PLEC: variants seen among roughly 807,000 people sequenced by gnomAD.
The protein encoded by PLEC is plectin, also known as hemidesmosomal protein 1.
Under a neutral mutation model 392.8 loss-of-function variants are expected in PLEC, and 216 were observed. The observed-to-expected ratio is 0.55, with a 90% CI of 0.49 to 0.62. The LOEUF is 0.62. Ranked by LOEUF, PLEC falls within the 20% of genes least tolerant of loss-of-function variation. The pLI, the probability that PLEC is intolerant of heterozygous loss-of-function variation, is 0.00. For missense variants in PLEC, 6,863 were observed against 6,563.4 expected, an observed-to-expected ratio of 1.05 and a Z score of -1.58; for synonymous variants, 3,621 against 2,980.6, an observed-to-expected ratio of 1.21 and a Z score of -7.00.
At position 143,918,542 on chromosome 8, in the gene PLEC, C is replaced by T. The variant is rs1554675610; in HGVS notation, c.11279G>A (p.Arg3760His). The change falls in exon 32 of 32, where the codon CGC becomes CAC. Residue 3760 changes from arginine to histidine, a missense_variant. Arg to His is a conservative substitution (Grantham distance 29, BLOSUM62 0). Transcript: ENST00000345136. The part of the protein sequence containing the change: ...KGLVGPELHD[R>H]LLSAERAVTG... ...GACCGCCCGCTCAGCCGAGAGCAGG[C>T]GGTCGTGCAGCTCGGGCCCCACGAG... 3 of 1,609,928 alleles carry T rather than the reference C, an allele frequency of 1.9e-6. No homozygotes were observed. The highest frequency in any genetic ancestry group is 2.2e-5 in the East Asian group (1 of 44,824).
rs781802003 is a variant in PLEC at position 143,935,239 on chromosome 8, G to A, written c.677C>T (p.Ala226Val). 33 of 1,612,390 alleles carry A rather than the reference G, an allele frequency of 2.0e-5. No individual in the cohort carries two copies. The highest frequency in any genetic ancestry group is 2.7e-5 in the Non-Finnish European group (32 of 1,179,946). ...LENLDQAFSVAERDLGVTRLL... is the reference protein window; with the variant it reads ...LENLDQAFSVVERDLGVTRLL... ...CCGCGTCACTCCCAGGTCCCGCTCC[G>A]CCACAGAGAAGGCCTGGTCCAGGTT... Residue 226 changes from alanine (A) to valine (V), a missense_variant, in exon 7 of 32, where the codon GCG (alanine) becomes GTG (valine). Coordinates refer to ENST00000345136, the MANE Select transcript of PLEC (RefSeq NM_201384.3).
upstream of PLEC, among the ~76,000 whole-genome samples, chr8:143,956,428 C>CA (rs1230965968): frequency 1.3e-5 from 2 of 152,204 alleles, no homozygotes; most frequent in Non-Finnish European, 2.9e-5. Flanking sequence ...ACTATCCTGA[C>CA]ACGGTGGCCT....
upstream of PLEC, among the ~76,000 whole-genome samples, chr8:143,941,433 G>C (rs1356901602): frequency 4.6e-5 from 7 of 152,042 alleles, no homozygotes. Context: ...GTCAGGAATG[G>C]GGCAGGGGCT....
At chr8:143,950,489 T>G (rs1330816988) in exon 1 of PLEC, 3 of 1,607,838 alleles carry the variant, frequency 1.9e-6, no homozygotes, top group Non-Finnish European at 2.5e-6. Context: ...ATTGGTGAGG[T>G]ACCAGTAAAA....
upstream of PLEC, chr8:143,944,516 G>A: frequency 4.0e-6 from 2 of 500,692 alleles, no homozygotes; most frequent in Non-Finnish European, 6.9e-6. Context: ...GTCTGGGTGA[G>A]GGCACATGAG....
upstream of PLEC, among the ~76,000 whole-genome samples, chr8:143,956,344 G>A (rs1832594870): frequency 6.6e-6 from 1 of 152,182 alleles, no homozygotes. Flanking sequence ...GAGACAGGAG[G>A]ATCACTTGAT....
upstream of PLEC, among the ~76,000 whole-genome samples, chr8:143,940,485 G>A (rs782646100): frequency 1.2e-4 from 19 of 152,330 alleles, no homozygotes; most frequent in South Asian, 2.1e-4. Context: ...GGGGCTCAAG[G>A]GAAGCAGTCT....
Position 143,938,247 on chromosome 8 carries a change from G to A in PLEC, c.175-7C>T. ...CACTGATGTGCCTCTGGGCCTGTGG[G>A]GACAGCAGCGGCTGAGGTGGCCAGT... is the stretch of plus-strand genomic sequence containing the variant. On this transcript the variant is annotated splice_region_variant and splice_polypyrimidine_tract_variant and intron_variant, in intron 2 of 31. Coordinates refer to ENST00000345136, the MANE Select transcript of PLEC (RefSeq NM_201384.3). The A allele has an allele frequency of 1.9e-6, 3 of 1,588,690 alleles. No homozygotes were observed. The highest frequency in any genetic ancestry group is 2.6e-6 in the Non-Finnish European group (3 of 1,169,530).
At chr8:143,961,514 G>A (rs1351569988) in intron 1 of PLEC, among the ~76,000 whole-genome samples, 2 of 151,986 alleles carry the variant, frequency 1.3e-5, no homozygotes, top group African/African-American at 2.4e-5. Context: ...GTGAGCCACC[G>A]CACCTGGCCA....
chr8:143,924,263 G>T lies in PLEC; in HGVS notation c.5666C>A (p.Ala1889Asp). 1.3e-6 allele frequency: 2 copies of T among 1,597,466 alleles called. No individual in the cohort carries two copies. Among genetic ancestry groups the T allele is most frequent in the Non-Finnish European group, 1.7e-6 (2 of 1,179,060 alleles). The change falls in exon 31 of 32, where the codon GCT (alanine) becomes GAT (aspartate). Residue 1889 changes from alanine to aspartate, a missense_variant. Physicochemically the swap from Ala to Asp is moderately radical, Grantham distance 126. Coordinates refer to ENST00000345136, the MANE Select transcript of PLEC (RefSeq NM_201384.3). ...CTGGGCCAGGCGCTCCTCGATGTCA[G>T]CCTTGTGTTGCGCGGCCTGCTCCTC... ...RLEEQAAQHK[A>D]DIEERLAQLR...
chr8:143,942,524 C>T (rs781912704), upstream of PLEC: 31 of 1,560,974 alleles, frequency 2.0e-5, no homozygotes, highest in East Asian at 5.6e-4. Context: ...ATGCCGGCCA[C>T]GGCCGGAGCC....
rs782198755 is a variant in PLEC at position 143,916,186 on chromosome 8, G to A, written c.13635C>T (p.Ala4545=). 36 of 1,540,276 alleles carry A rather than the reference G, an allele frequency of 2.3e-5. No individual in the cohort carries two copies. Among genetic ancestry groups the A allele is most frequent in the Admixed American group, 5.9e-5 (3 of 50,582 alleles). The change falls in exon 32 of 32, where the codon GCC becomes GCT. Residue 4545 remains alanine, a synonymous_variant. Transcript: ENST00000345136. Reference sequence around the variant, plus strand: ...GTGGGCGCAGGCAGCCTCAGGCCACGGCAGACTCAGGGCCCCCCAGGGAGG... The same window carrying A: ...GTGGGCGCAGGCAGCCTCAGGCCACAGCAGACTCAGGGCCCCCCAGGGAGG... ...SSASLGGPES[A]VA
At chr8:143,946,453 AG>A in intron 1 of PLEC, 1 of 1,245,974 alleles carries the variant, frequency 8.0e-7, no homozygotes, top group Non-Finnish European at 1.1e-6. Context: ...GGCAGGAAGG[AG>A]GGAAGGGGTG....
In PLEC at chr8:143,923,862, G is replaced by A. The variant is rs782091586; in HGVS notation, c.6067C>T (p.Arg2023Cys). ...RLKAKVEEARRLRERAEQESA... is the reference protein window; with the variant it reads ...RLKAKVEEARCLRERAEQESA... ...TCCTGCTCCGCTCGCTCCCGCAGGC[G>A]CCGCGCCTCCTCCACCTTGGCTTTC... Residue 2023 changes from arginine (R) to cysteine (C), a missense_variant, in exon 31 of 32, where the codon CGC (arginine) becomes TGC (cysteine). Coordinates refer to ENST00000345136, the MANE Select transcript of PLEC (RefSeq NM_201384.3). 49 of 1,591,722 alleles carry A rather than the reference G, an allele frequency of 3.1e-5. No homozygotes were observed. Among genetic ancestry groups the A allele is most frequent in the African/African-American group, 9.4e-5 (7 of 74,710 alleles).
rs782733657 is a variant in PLEC at position 143,919,998 on chromosome 8, G to A, written c.9823C>T (p.Arg3275Cys). The change falls in exon 32 of 32, where the codon CGC (arginine) becomes TGC (cysteine). Residue 3275 changes from arginine (R) to cysteine (C), a missense_variant. Physicochemically the swap from Arg to Cys is radical, Grantham distance 180 (BLOSUM62 -3). Transcript: ENST00000345136. The part of the protein sequence containing the change: ...EQRQELLRQF[R>C]TGKVTVEKVI... ...TTCTCCACGGTGACCTTGCCCGTGC[G>A]GAACTGACGCAACAGCTCCTGCCGC... The A allele has an allele frequency of 2.1e-5, 34 of 1,613,162 alleles. No homozygotes were observed. Among genetic ancestry groups the A allele is most frequent in the Admixed American group, 8.3e-5 (5 of 60,016 alleles).
rs369665294 is a variant in PLEC at position 143,932,503 on chromosome 8, G to A, written c.1874C>T (p.Ala625Val). The change falls in exon 16 of 32, where the codon GCC (alanine) becomes GTC (valine). Residue 625 changes from alanine (A) to valine (V), a missense_variant. Physicochemically the swap from Ala to Val is moderately conservative, Grantham distance 64. Transcript: ENST00000345136. Reference sequence around the variant, plus strand: ...ATTCAGCCACATTAGCTCCTTAGTGGCGGCTGCCACAAAGCTGTGCAAGCT... The same window carrying A: ...ATTCAGCCACATTAGCTCCTTAGTGACGGCTGCCACAAAGCTGTGCAAGCT... ...LESLHSFVAA[A>V]TKELMWLNEK... 2 of 1,611,440 alleles carry A rather than the reference G, an allele frequency of 1.2e-6. No homozygotes were observed. Among genetic ancestry groups the A allele is most frequent in the Non-Finnish European group, 8.5e-7 (1 of 1,179,738 alleles).
rs1586913359 is a variant in PLEC, at chr8:143,924,588, T to C, written c.5341A>G (p.Thr1781Ala). ...AGCCTCTGCTTGGACTTCTCGCTGG[T>C]GGAGCGCGACTCCTCCTCAGCCCTC... Reference protein sequence around the residue: ...KARAEEESRSTSEKSKQRLEA... With the variant: ...KARAEEESRSASEKSKQRLEA... The change falls in exon 31 of 32, where the codon ACC becomes GCC. Residue 1781 changes from threonine to alanine, a missense_variant. Transcript: ENST00000345136. 1 of 1,550,218 alleles carries C rather than the reference T, an allele frequency of 6.5e-7. No homozygotes were observed. Among genetic ancestry groups the C allele is most frequent in the Non-Finnish European group, 8.7e-7 (1 of 1,155,068 alleles).
In PLEC at chr8:143,933,325, T is replaced by G; in HGVS notation, c.1290A>C (p.Lys430Asn). ...CCACCTCCCCCGCCCGCTGTGGCAC[T>G]TTGCCTGCAGCCAGCAGCCGGACAT... ...QSDVRLLAAG[K>N]VPQRAGEVER... is the part of the protein sequence containing the mutation. Residue 430 changes from lysine (K) to asparagine (N), a missense_variant, in exon 13 of 32, where the codon AAA becomes AAC. Transcript: ENST00000345136. 1.9e-6 allele frequency: 3 copies of G among 1,612,384 alleles called. No individual in the cohort carries two copies. Among genetic ancestry groups the G allele is most frequent in the Non-Finnish European group, 2.5e-6 (3 of 1,179,938 alleles).
intron 1 of PLEC, among the ~76,000 whole-genome samples, chr8:143,962,073 T>C (rs1294134368): frequency 3.9e-5 from 6 of 152,196 alleles, no homozygotes; most frequent in African/African-American, 1.4e-4. Context: ...GTAGGTCCAA[T>C]GGTGGCCACA....
Sources: allele counts gnomAD v4.1 joint callset (sites outside exome capture counted in the v4.1 genomes callset), GRCh38; gene constraint gnomAD v4.1.1; transcripts MANE v1.5; gene names NCBI Gene and HGNC (gene_info 2026-07-23, HGNC 2026-07-21).